Variants in SLC24A2 observed in about 807,000 individuals in gnomAD.
The protein encoded by SLC24A2 is solute carrier family 24 member 2, also known as sodium/potassium/calcium exchanger 2.
SLC24A2 carries 36 observed loss-of-function variants against 62.0 expected under a neutral mutation model. The ratio of observed to expected loss-of-function variants is 0.58; its 90% CI spans 0.44 to 0.77. The LOEUF (loss-of-function observed/expected upper bound fraction) is 0.77. Among genes scored for constraint, SLC24A2 ranks in the 30% least tolerant of loss-of-function variants. SLC24A2 has a pLI of 0.00. For synonymous variants in SLC24A2, 358 were observed against 294.0 expected (o/e 1.22, Z -2.23); for missense variants, 846 against 817.9 (o/e 1.03, Z -0.42).
chr9:20,206,955 G>A, the SLC24A2 span, among the ~76,000 whole-genome samples: 1 of 151,570 alleles, frequency 6.6e-6, no homozygotes, highest in Non-Finnish European at 1.5e-5. Flanking sequence ...TTTGAGAACT[G>A]TTGACTTATG....
the SLC24A2 span, among the ~76,000 whole-genome samples, chr9:19,967,031 T>G: frequency 6.6e-6 from 1 of 152,130 alleles, no homozygotes; most frequent in African/African-American, 2.4e-5. Context: ...CACATACACA[T>G]TTATTTGAAT....
At chr9:19,752,254 T>C (rs753931633) in intron 2 of SLC24A2, among the ~76,000 whole-genome samples, 2 of 151,992 alleles carry the variant, frequency 1.3e-5, no homozygotes, top group Non-Finnish European at 2.9e-5. Context: ...GATAGAAATA[T>C]ACAGTAACTC....
At chr9:19,808,410 C>G in the SLC24A2 span, among the ~76,000 whole-genome samples, 7 of 152,188 alleles carry the variant, frequency 4.6e-5, no homozygotes, top group Non-Finnish European at 8.8e-5. The surrounding 1 kb of genome is among the most constrained non-coding windows in gnomAD (Gnocchi z 4.1). Flanking sequence ...ATTCTTTGCC[C>G]TTAGAACAAC....
chr9:19,775,867 T>G (rs1056599562), intron 2 of SLC24A2, among the ~76,000 whole-genome samples: 1 of 152,124 alleles, frequency 6.6e-6, no homozygotes, highest in East Asian at 1.9e-4. Context: ...AGTACACAAC[T>G]AGTACAGCTT....
chr9:19,742,962 A>G (rs150504729), intron 2 of SLC24A2, among the ~76,000 whole-genome samples: 2 of 152,274 alleles, frequency 1.3e-5, no homozygotes, highest in African/African-American at 4.8e-5. Flanking sequence ...GCAGATAGAG[A>G]TCCCAGAGGG....
At chr9:20,191,192 C>T in the SLC24A2 span, among the ~76,000 whole-genome samples, 1 of 150,414 alleles carries the variant, frequency 6.6e-6, no homozygotes, top group African/African-American at 2.5e-5. Context: ...CAGACAAGAC[C>T]TTTGGATCTC....
chr9:20,224,907 G>A, the SLC24A2 span, among the ~76,000 whole-genome samples: 6 of 152,196 alleles, frequency 3.9e-5, no homozygotes, highest in South Asian at 6.2e-4. Flanking sequence ...AACTAGAAAT[G>A]TCTGGGAGCT....
At chr9:19,755,504 C>T (rs182415371) in intron 2 of SLC24A2, among the ~76,000 whole-genome samples, 8 of 152,200 alleles carry the variant, frequency 5.3e-5, no homozygotes, top group African/African-American at 7.2e-5. Flanking sequence ...TACTGTGTTA[C>T]GGAAATAGTG....
intron 2 of SLC24A2, among the ~76,000 whole-genome samples, chr9:19,720,699 C>A (rs991699609): frequency 2.3e-4 from 19 of 82,308 alleles, no homozygotes; most frequent in East Asian, 1.2e-3. Flanking sequence ...ACCCCCCCCC[C>A]CAAAAAAAAT....
At chr9:20,004,503 G>A in the SLC24A2 span, among the ~76,000 whole-genome samples, 30 of 152,298 alleles carry the variant, frequency 2.0e-4, no homozygotes, top group South Asian at 6.0e-3. Context: ...AATATAGGCT[G>A]CCATAAATTT....
chr9:19,848,223 G>C, the SLC24A2 span, among the ~76,000 whole-genome samples: 80 of 152,212 alleles, frequency 5.3e-4, no homozygotes, highest in Middle Eastern at 3.4e-3. Flanking sequence ...ATTGATTTCT[G>C]TTTTGTTTTG....
chr9:19,775,781 A>G lies in SLC24A2; in HGVS notation c.930+10156T>C, dbSNP rs1438689801. On this transcript the variant is annotated intron_variant, in intron 2 of 10. Coordinates refer to ENST00000341998, the MANE Select transcript of SLC24A2 (RefSeq NM_020344.4). The stretch of plus-strand genomic sequence containing the variant: ...GGCAGCCACAGTCCCACATCAGTGC[A>G]TTCCGCTCATTCAGTAGAGTGATGT... 3.3e-5 allele frequency among the ~76,000 whole-genome samples: 5 copies of G among 152,204 alleles called. No homozygotes were observed. In the South Asian group the frequency reaches 1.0e-3, roughly 32 times the overall value.
At chr9:19,777,150 G>T (rs748636965) in intron 2 of SLC24A2, among the ~76,000 whole-genome samples, 11 of 152,184 alleles carry the variant, frequency 7.2e-5, no homozygotes, top group Non-Finnish European at 1.0e-4. Flanking sequence ...ATATTTGTAA[G>T]AGATCTTTGT....
the SLC24A2 span, among the ~76,000 whole-genome samples, chr9:20,259,742 T>C: frequency 6.6e-6 from 1 of 152,206 alleles, no homozygotes; most frequent in Admixed American, 6.5e-5. Flanking sequence ...ATTTGAATGT[T>C]TGGCCCCTCC....
At chr9:20,027,065 G>C in the SLC24A2 span, among the ~76,000 whole-genome samples, 1 of 152,052 alleles carries the variant, frequency 6.6e-6, no homozygotes, top group African/African-American at 2.4e-5. Context: ...TATTAAAAAA[G>C]TGCTCAAAGA....
chr9:20,103,561 C>G, the SLC24A2 span, among the ~76,000 whole-genome samples: 16,851 of 152,162 alleles, frequency 0.11, 993 homozygotes, highest in Middle Eastern at 0.18. Flanking sequence ...TGTTCTGCAG[C>G]CACCGCTGCT....
the SLC24A2 span, among the ~76,000 whole-genome samples, chr9:20,189,417 C>T: frequency 2.0e-5 from 3 of 152,142 alleles, no homozygotes; most frequent in South Asian, 2.1e-4. Flanking sequence ...CCATCAATGC[C>T]GAAAACCAGT....
At chr9:20,228,455 C>G in the SLC24A2 span, among the ~76,000 whole-genome samples, 1 of 151,726 alleles carries the variant, frequency 6.6e-6, no homozygotes, top group East Asian at 1.9e-4. Flanking sequence ...AGTAAGAGAG[C>G]TGGCACCCCA....
the SLC24A2 span, among the ~76,000 whole-genome samples, chr9:20,103,152 C>A: frequency 5.3e-5 from 8 of 152,312 alleles, no homozygotes; most frequent in African/African-American, 1.9e-4. Context: ...GGGAGGGGCA[C>A]CCACCATTGC....
Sources: allele counts gnomAD v4.1 joint callset (sites outside exome capture counted in the v4.1 genomes callset), GRCh38; gene constraint gnomAD v4.1.1; non-coding constraint Gnocchi (gnomAD v3.1); transcripts MANE v1.5; gene names NCBI Gene and HGNC (gene_info 2026-07-23, HGNC 2026-07-21).